Variants in GALNT18 observed in about 807,000 individuals in gnomAD.
The protein encoded by GALNT18 is GalNAc-transferase 18.
Under a neutral mutation model 69.5 loss-of-function variants are expected in GALNT18, and 44 were observed. The observed-to-expected ratio is 0.63, with a 90% CI of 0.50 to 0.81. The LOEUF is 0.81. Ranked by LOEUF, GALNT18 falls within the 40% of genes least tolerant of loss-of-function variation. The pLI, the probability that GALNT18 is intolerant of heterozygous loss-of-function variation, is 0.00. For missense variants in GALNT18, 715 were observed against 810.0 expected (o/e 0.88, Z 1.42); for synonymous variants, 364 against 318.2 (o/e 1.14, Z -1.53).
intron 9 of GALNT18, among the ~76,000 whole-genome samples, chr11:11,301,290 C>A (rs1331545272): frequency 6.6e-6 from 1 of 152,162 alleles, no homozygotes; most frequent in Non-Finnish European, 1.5e-5. Flanking sequence ...CTTTGACATC[C>A]AGAATGTGTA....
rs79468030 is a variant in GALNT18, at chr11:11,488,819, C to T, written c.236-39883G>A. On this transcript the variant is annotated intron_variant, in intron 1 of 10. Coordinates refer to ENST00000227756, the MANE Select transcript of GALNT18 (RefSeq NM_198516.3). ...ACTCACCACATGGATTCCTAAAAGG[C>T]CATGCTTACCAGAAGGATGAGTAAG... Among the ~76,000 whole-genome samples the T allele has an allele frequency of 6.4e-3, 971 of 152,234 alleles. 16 individuals carry two copies. The highest frequency in any genetic ancestry group is 0.022 in the African/African-American group (920 of 41,538).
intron 10 of GALNT18, among the ~76,000 whole-genome samples, chr11:11,292,617 G>C (rs1488215523): frequency 6.6e-6 from 1 of 152,180 alleles, no homozygotes. Flanking sequence ...CTCGTGAGCA[G>C]AGGCTTGTAT....
chr11:11,521,591 C>T (rs2133928817), intron 1 of GALNT18, among the ~76,000 whole-genome samples: 1 of 152,286 alleles, frequency 6.6e-6, no homozygotes, highest in East Asian at 1.9e-4. Flanking sequence ...TCCTGAGCTC[C>T]AACTTCATTC....
intron 1 of GALNT18, among the ~76,000 whole-genome samples, chr11:11,483,414 G>A (rs910327832): frequency 5.3e-5 from 8 of 152,186 alleles, no homozygotes; most frequent in African/African-American, 1.7e-4. Flanking sequence ...GGAACTATGC[G>A]GTCAGCTCTA....
At chr11:11,407,932 C>T (rs1218760905) in intron 3 of GALNT18, among the ~76,000 whole-genome samples, 1 of 152,204 alleles carries the variant, frequency 6.6e-6, no homozygotes, top group Non-Finnish European at 1.5e-5. Context: ...CAGTCATTCA[C>T]TCCTTGAAGC....
rs572157565 is a variant in GALNT18, at chr11:11,342,008, A to G, written c.1093-1004T>C. 7.2e-5 allele frequency among the ~76,000 whole-genome samples: 11 copies of G among 152,120 alleles called. No homozygotes were observed. In the East Asian group the frequency reaches 2.1e-3, roughly 29 times the overall value. ...AAAAGACCTTGACTATATGGCCCCA[A>G]CATTGTGGAGTCTTTGCTCGATATT... On this transcript the variant is annotated intron_variant, in intron 6 of 10. Coordinates refer to ENST00000227756, the MANE Select transcript of GALNT18 (RefSeq NM_198516.3).
intron 9 of GALNT18, among the ~76,000 whole-genome samples, chr11:11,308,693 A>G (rs1378972516): frequency 6.6e-6 from 1 of 152,084 alleles, no homozygotes; most frequent in African/African-American, 2.4e-5. Flanking sequence ...AGTGTAAAAA[A>G]CATCTCCTCT....
At position 11,389,813 on chromosome 11, in the gene GALNT18, G is replaced by A. The variant is rs1371207350; in HGVS notation, c.596-10549C>T. Among the ~76,000 whole-genome samples, 1 of 152,166 alleles carries A rather than the reference G, an allele frequency of 6.6e-6. No individual in the cohort carries two copies. Among genetic ancestry groups the A allele is most frequent in the African/African-American group, 2.4e-5 (1 of 41,442 alleles). On this transcript the variant is annotated intron_variant, in intron 3 of 10. Coordinates refer to ENST00000227756, the MANE Select transcript of GALNT18 (RefSeq NM_198516.3). The surrounding 1 kb of genome is among the most constrained non-coding windows in gnomAD (Gnocchi z 4.3). ...CCACTGTGCAAAGGGAATTCCAGGA[G>A]GCCCAGGTCCAGGTCCTCCTGCCCT...
chr11:11,461,742 C>T lies in GALNT18; in HGVS notation c.236-12806G>A, dbSNP rs942015362. ...GGCATGCTTCCCTGACACAGACACA[C>T]GGATGGGAACAGCTGGGCTAGACAG... On this transcript the variant is annotated intron_variant, in intron 1 of 10. Coordinates refer to ENST00000227756, the MANE Select transcript of GALNT18 (RefSeq NM_198516.3). The surrounding 1 kb of genome is among the most constrained non-coding windows in gnomAD (Gnocchi z 4.1). Among the ~76,000 whole-genome samples the T allele has an allele frequency of 2.0e-5, 3 of 152,204 alleles. No homozygotes were observed. Among genetic ancestry groups the T allele is most frequent in the South Asian group, 2.1e-4 (1 of 4,828 alleles).
At chr11:11,280,197 G>A (rs1316274430) in intron 10 of GALNT18, among the ~76,000 whole-genome samples, 2 of 152,130 alleles carry the variant, frequency 1.3e-5, no homozygotes, top group African/African-American at 4.8e-5. Flanking sequence ...AGAGACCAAA[G>A]AATAAACAGG....
At chr11:11,327,020 C>A in intron 9 of GALNT18, 66 bp downstream of exon 9, 1 of 1,180,496 alleles carries the variant, frequency 8.5e-7, no homozygotes, top group Non-Finnish European at 1.3e-6. Context: ...CAGAGCCTAG[C>A]TCTCCTTCCC....
intron 2 of GALNT18, among the ~76,000 whole-genome samples, chr11:11,447,200 C>T (rs1477381681): frequency 6.6e-6 from 1 of 152,172 alleles, no homozygotes. Flanking sequence ...CTTCCTCTGC[C>T]TGAAAGGTAC....
rs1859757822 is a variant in GALNT18 at position 11,606,462 on chromosome 11, G to T, written c.235+14897C>A. On this transcript the variant is annotated intron_variant, in intron 1 of 10. Coordinates refer to ENST00000227756, the MANE Select transcript of GALNT18 (RefSeq NM_198516.3). This position sits in a 1 kb window ranked among gnomAD's most constrained non-coding sequence, Gnocchi z 5.4. ...CATCTGGTACATGGCTGATAAATGT[G>T]AATTTTCTCTCTTTTTTCCTCTCCT... 6.6e-6 allele frequency among the ~76,000 whole-genome samples: 1 copy of T among 152,190 alleles called. No individual in the cohort carries two copies. The highest frequency in any genetic ancestry group is 6.5e-5 in the Admixed American group (1 of 15,278).
intron 1 of GALNT18, among the ~76,000 whole-genome samples, chr11:11,484,218 G>T (rs149682702): frequency 6.6e-4 from 101 of 152,272 alleles, no homozygotes; most frequent in African/African-American, 2.3e-3. Flanking sequence ...TTGTAAGGCA[G>T]AGCTCTTGCA....
intron 1 of GALNT18, among the ~76,000 whole-genome samples, chr11:11,533,659 C>A (rs569643074): frequency 6.6e-6 from 1 of 152,310 alleles, no homozygotes; most frequent in African/African-American, 2.4e-5. Flanking sequence ...CTTATTTGTA[C>A]AAACGAAACA....
intron 1 of GALNT18, among the ~76,000 whole-genome samples, chr11:11,544,542 C>A (rs1177441500): frequency 6.6e-6 from 1 of 152,200 alleles, no homozygotes; most frequent in Non-Finnish European, 1.5e-5. Context: ...AGTGAACAGT[C>A]AAGCATCACA....
At chr11:11,319,315 C>T (rs954531037) in intron 9 of GALNT18, among the ~76,000 whole-genome samples, 1 of 152,184 alleles carries the variant, frequency 6.6e-6, no homozygotes, top group Non-Finnish European at 1.5e-5. Context: ...GAAACAAGTT[C>T]AAATCTTGGC....
chr11:11,489,015 G>A (rs1856703023), intron 1 of GALNT18, among the ~76,000 whole-genome samples: 1 of 152,228 alleles, frequency 6.6e-6, no homozygotes, highest in African/African-American at 2.4e-5. Flanking sequence ...TAGAAATTAA[G>A]GAGCAACATT....
chr11:11,349,895 C>T (rs923533415), intron 6 of GALNT18, among the ~76,000 whole-genome samples: 1 of 152,192 alleles, frequency 6.6e-6, no homozygotes, highest in African/African-American at 2.4e-5. Context: ...TTCTTGCAAT[C>T]AACACTTCCG....
Sources: gnomAD v4.1 joint callset for allele counts (sites outside exome capture counted in the v4.1 genomes callset) on GRCh38, gnomAD v4.1.1 for gene constraint, Gnocchi (gnomAD v3.1) non-coding constraint, MANE v1.5 for transcripts, NCBI Gene and HGNC (gene_info 2026-07-23, HGNC 2026-07-21) for gene names.